The following DTWD2 variants were observed in gnomAD, a reference collection of about 807,000 sequenced individuals.
DTWD2 encodes the protein DTW motif tRNA-uridine aminocarboxypropyltransferase 2, also known as tRNA-uridine aminocarboxypropyltransferase 2.
A neutral mutation model predicts 31.8 loss-of-function variants in DTWD2; 39 were observed. The observed-to-expected ratio is 1.22, with a 90% CI of 0.95 to 1.60. DTWD2 has a LOEUF of 1.60. DTWD2 is among the 40% of genes most tolerant of loss of function. The pLI is 0.00. For missense variants in DTWD2, 515 were observed against 381.5 expected, an observed-to-expected ratio of 1.35 and a Z score of -2.92; for synonymous variants, 180 against 142.8, an observed-to-expected ratio of 1.26 and a Z score of -1.86.
At chr5:118,928,918 C>A (rs1206425640) in intron 3 of DTWD2, among the ~76,000 whole-genome samples, 189 bp from the exon 4 acceptor site, 1 of 152,076 alleles carries the variant, frequency 6.6e-6, no homozygotes, top group Non-Finnish European at 1.5e-5. Flanking sequence ...ATGTATTCAC[C>A]ACAATTCTGC....
At chr5:118,972,386 T>A (rs1268612725) in intron 1 of DTWD2, among the ~76,000 whole-genome samples, 2 of 152,128 alleles carry the variant, frequency 1.3e-5, no homozygotes, top group African/African-American at 2.4e-5. Flanking sequence ...AATGGATAAA[T>A]TCCTAGACAC....
chr5:118,977,225 A>G (rs1352843422), intron 1 of DTWD2, among the ~76,000 whole-genome samples: 6 of 152,216 alleles, frequency 3.9e-5, no homozygotes, highest in Admixed American at 2.6e-4. Context: ...CCCACAACCA[A>G]TATCATACTG....
intron 1 of DTWD2, among the ~76,000 whole-genome samples, chr5:118,984,485 TA>T (rs1221583922): frequency 6.6e-6 from 1 of 150,748 alleles, no homozygotes; most frequent in East Asian, 1.9e-4. Context: ...AGCAGCAATC[TA>T]AAAGTTTGTT....
At chr5:118,908,189 C>T (rs1405825642) in intron 4 of DTWD2, among the ~76,000 whole-genome samples, 1 of 152,040 alleles carries the variant, frequency 6.6e-6, no homozygotes, top group African/African-American at 2.4e-5. Flanking sequence ...CTGGACATTA[C>T]ATATAAAAAA....
intron 1 of DTWD2, among the ~76,000 whole-genome samples, chr5:118,986,234 A>T (rs539942812): frequency 2.6e-5 from 4 of 152,192 alleles, no homozygotes; most frequent in Admixed American, 6.5e-5. Flanking sequence ...GGGGGATAGG[A>T]AAGGTATTCT....
intron 4 of DTWD2, among the ~76,000 whole-genome samples, chr5:118,906,150 T>TA (rs1427067192): frequency 6.6e-6 from 1 of 152,172 alleles, no homozygotes. Context: ...GAGATATCCC[T>TA]ACTCAACTAT....
intron 1 of DTWD2, 74 bp from the exon 2 acceptor site, chr5:118,944,723 T>A: frequency 7.3e-7 from 1 of 1,367,552 alleles, no homozygotes; most frequent in Non-Finnish European, 1.0e-6. Context: ...TAAATGACCT[T>A]AATCCCACTG....
chr5:118,904,027 C>A (rs1753272466), intron 4 of DTWD2, among the ~76,000 whole-genome samples: 1 of 151,958 alleles, frequency 6.6e-6, no homozygotes, highest in African/African-American at 2.4e-5. Context: ...AGTGTCTGTA[C>A]TAAATTTAGG....
chr5:118,905,781 C>G (rs956903529), intron 4 of DTWD2, among the ~76,000 whole-genome samples: 11 of 152,038 alleles, frequency 7.2e-5, no homozygotes, highest in African/African-American at 2.7e-4. Flanking sequence ...TCTCTTCCCA[C>G]CCTTCATGCA....
At chr5:118,844,164 A>G (rs1751791640) in intron 5 of DTWD2, among the ~76,000 whole-genome samples, 1 of 152,224 alleles carries the variant, frequency 6.6e-6, no homozygotes, top group Non-Finnish European at 1.5e-5. Context: ...TCAGAGTTTT[A>G]AAGTTGTAGC....
At chr5:118,900,440 T>C (rs1753179713) in intron 4 of DTWD2, among the ~76,000 whole-genome samples, 1 of 152,098 alleles carries the variant, frequency 6.6e-6, no homozygotes, top group Admixed American at 6.6e-5. Flanking sequence ...TTAACAGAGA[T>C]GGTACAGGAA....
At chr5:118,913,410 GATATATATAGAT>G (rs556867069) in intron 4 of DTWD2, among the ~76,000 whole-genome samples, 1 of 132,380 alleles carries the variant, frequency 7.6e-6, no homozygotes, top group African/African-American at 2.7e-5. Flanking sequence ...GATATATATA[GATATATATAGAT>G]ATATATATAT....
intron 1 of DTWD2, among the ~76,000 whole-genome samples, chr5:118,955,240 A>T (rs939664408): frequency 1.3e-5 from 2 of 152,222 alleles, no homozygotes; most frequent in African/African-American, 4.8e-5. Context: ...ATTACTTCAA[A>T]CTAATAAAAC....
intron 4 of DTWD2, among the ~76,000 whole-genome samples, chr5:118,881,649 C>G (rs969405782): frequency 2.6e-5 from 4 of 152,110 alleles, no homozygotes; most frequent in African/African-American, 9.7e-5. Flanking sequence ...GGGGAGCCTT[C>G]AGGAAACTTA....
At chr5:118,877,292 G>A (rs1752642193) in intron 4 of DTWD2, among the ~76,000 whole-genome samples, 1 of 152,036 alleles carries the variant, frequency 6.6e-6, no homozygotes. Context: ...CTAACATGGT[G>A]AAACCCCATC....
intron 4 of DTWD2, among the ~76,000 whole-genome samples, chr5:118,908,019 C>T (rs1371524080): frequency 2.0e-5 from 3 of 152,254 alleles, no homozygotes; most frequent in African/African-American, 7.2e-5. Flanking sequence ...TAAAACTAAC[C>T]ATCACTGGAC....
chr5:118,840,711 G>C lies in DTWD2; in HGVS notation c.*206C>G, dbSNP rs1751690876. 2.2e-6 allele frequency: 1 copy of C among 459,530 alleles called. No individual in the cohort carries two copies. The highest frequency in any genetic ancestry group is 6.2e-4 in the Middle Eastern group (1 of 1,610). The allele number at this position is 459,530 out of a possible 1,614,324, so 28.5% of individuals were successfully genotyped here. A position where few individuals can be genotyped will look rare whatever the true frequency, so the allele number is the denominator to read the frequency against. On this transcript the variant is annotated 3_prime_UTR_variant, in exon 6 of 6. Transcript: ENST00000510708. Reference sequence around the variant, plus strand: ...AGGCACATTTTTAAAAACAAGTACAGTAGGAAATCCTGCTTTTCAGTGAGC... The same window carrying C: ...AGGCACATTTTTAAAAACAAGTACACTAGGAAATCCTGCTTTTCAGTGAGC...
At chr5:118,914,266 G>C (rs1032766530) in intron 4 of DTWD2, among the ~76,000 whole-genome samples, 1 of 152,044 alleles carries the variant, frequency 6.6e-6, no homozygotes, top group Admixed American at 6.5e-5. Context: ...TTATTAAAAA[G>C]GCTCTAGGAG....
At chr5:118,913,430 T>G (rs1039048597) in intron 4 of DTWD2, among the ~76,000 whole-genome samples, 5 of 131,112 alleles carry the variant, frequency 3.8e-5, no homozygotes, top group African/African-American at 1.4e-4. Context: ...GATATATATA[T>G]ATACACACAC....
Sources: gnomAD v4.1 joint callset for allele counts (sites outside exome capture counted in the v4.1 genomes callset) on GRCh38, gnomAD v4.1.1 for gene constraint, MANE v1.5 for transcripts, NCBI Gene and HGNC (gene_info 2026-07-23, HGNC 2026-07-21) for gene names.